Variants in CAT observed in about 807,000 individuals in gnomAD.
CAT encodes epididymis secretory sperm binding protein.
In CAT, 43 loss-of-function variants were observed where a neutral mutation model predicts 59.0. The ratio of observed to expected loss-of-function variants is 0.73; its 90% confidence interval spans 0.57 to 0.94. The LOEUF (loss-of-function observed/expected upper bound fraction) is 0.94. CAT is among the 40% of genes least tolerant of loss of function. CAT has a pLI of 0.00. For missense variants in CAT, 664 were observed against 682.9 expected, an observed-to-expected ratio of 0.97 and a Z score of 0.31; for synonymous variants, 218 against 230.9, an observed-to-expected ratio of 0.94 and a Z score of 0.51.
intron 1 of CAT, among the ~76,000 whole-genome samples, chr11:34,446,137 C>T (rs569040917): frequency 2.8e-4 from 43 of 152,208 alleles, no homozygotes; most frequent in African/African-American, 9.4e-4. Context: ...TCCAATGTTG[C>T]GCTAAACATC....
chr11:34,441,762 C>T (rs551784495), intron 1 of CAT, among the ~76,000 whole-genome samples: 2 of 152,210 alleles, frequency 1.3e-5, no homozygotes, highest in East Asian at 3.9e-4. Flanking sequence ...TGACTGCACT[C>T]TAGCCTGGGT....
At position 34,454,030 on chromosome 11, in the gene CAT, C is replaced by T. The variant is rs909791407; in HGVS notation, c.711+104C>T. 2.5e-5 allele frequency: 31 copies of T among 1,222,552 alleles called. No homozygotes were observed. The African/African-American group carries it at 4.3e-4, about 17-fold the overall frequency. The allele number at this position is 1,222,552 out of a possible 1,614,324, so 75.7% of individuals were successfully genotyped here. On this transcript the variant is annotated intron_variant, in intron 6 of 12. Coordinates refer to ENST00000241052, the MANE Select transcript of CAT (RefSeq NM_001752.4). ...ATTAAGGCTTCTCCCACTTTTCCCT[C>T]ACCTCCATCCCCAAAGTTGGGAAGT...
chr11:34,457,624 C>T (rs1564964221), intron 8 of CAT, among the ~76,000 whole-genome samples: 1 of 152,164 alleles, frequency 6.6e-6, no homozygotes, highest in South Asian at 2.1e-4. Context: ...AACCATTCAC[C>T]TTGCTAATGT....
chr11:34,465,890 A>C (rs1453095728), intron 10 of CAT, among the ~76,000 whole-genome samples: 1 of 152,224 alleles, frequency 6.6e-6, no homozygotes, highest in Non-Finnish European at 1.5e-5. Context: ...GATTTAAGGG[A>C]CCAAGATCAA....
At chr11:34,462,819 A>G (rs1256464523) in intron 9 of CAT, among the ~76,000 whole-genome samples, 1 of 152,208 alleles carries the variant, frequency 6.6e-6, no homozygotes, top group Non-Finnish European at 1.5e-5. Context: ...CACTTTGAGT[A>G]AAGGTCAGGG....
At chr11:34,452,911 A>G (rs1268338116) in intron 4 of CAT, among the ~76,000 whole-genome samples, 179 bp from the exon 5 acceptor site, 1 of 152,074 alleles carries the variant, frequency 6.6e-6, no homozygotes, top group Non-Finnish European at 1.5e-5. Context: ...ACTTTAGGGT[A>G]TCTTAGATGC....
intron 9 of CAT, among the ~76,000 whole-genome samples, chr11:34,462,523 A>G (rs1229841549): frequency 6.6e-6 from 1 of 152,276 alleles, no homozygotes; most frequent in South Asian, 2.1e-4. Context: ...CTCTGGGTTC[A>G]AGAGATTCTC....
intron 8 of CAT, among the ~76,000 whole-genome samples, chr11:34,460,007 G>A (rs1856630831): frequency 6.6e-6 from 1 of 152,220 alleles, no homozygotes; most frequent in Admixed American, 6.5e-5. Context: ...ACTGGATTAA[G>A]TCTGTTGGTA....
intron 8 of CAT, chr11:34,457,042 A>G (rs1856598857): frequency 3.1e-6 from 1 of 318,976 alleles, no homozygotes. Flanking sequence ...TAAGATCCCT[A>G]CATATGTGAA....
chr11:34,454,012 CT>C, intron 6 of CAT, 86 bp downstream of exon 6: 1 of 1,419,760 alleles, frequency 7.0e-7, no homozygotes. Context: ...AAGATTAAGG[CT>C]TCTCCCACTT....
rs1212185145 is a variant in CAT, at chr11:34,471,979, A to G, written c.*546A>G. 1.2e-5 allele frequency: 2 copies of G among 164,008 alleles called. No homozygotes were observed. The highest frequency in any genetic ancestry group is 2.7e-5 in the Non-Finnish European group (2 of 74,320). 10.2% of individuals were successfully genotyped at this position (164,008 alleles called of 1,614,324 possible). A position where few individuals can be genotyped will look rare whatever the true frequency, so the allele number is the denominator to read the frequency against. The stretch of plus-strand genomic sequence containing the variant: ...CATTTTTTTCACTGGAGTTACATTA[A>G]TGTTAATTCAGCACTGATTTCACAA... On this transcript the variant is annotated 3_prime_UTR_variant, in exon 13 of 13. Transcript: ENST00000241052.
chr11:34,447,092 A>T (rs560807), intron 1 of CAT, among the ~76,000 whole-genome samples: 108,123 of 152,106 alleles, frequency 0.71, 40,474 homozygotes, highest in East Asian at 0.96. Flanking sequence ...CTTGTTTGTA[A>T]GTTGAAAAGA....
rs900430847 is a variant in CAT at position 34,442,820 on chromosome 11, G to A, written c.66+3741G>A. Among the ~76,000 whole-genome samples, 7 of 151,982 alleles carry A rather than the reference G, an allele frequency of 4.6e-5. No individual in the cohort carries two copies. In the East Asian group the frequency reaches 1.2e-3, roughly 25 times the overall value. On this transcript the variant is annotated intron_variant, in intron 1 of 12. Coordinates refer to ENST00000241052, the MANE Select transcript of CAT (RefSeq NM_001752.4). ...GGTATATGAGTGTGGGAAGGTTTAG[G>A]GTCCAGGGTCACTGCCACTTACATT...
At chr11:34,461,022 T>G in intron 8 of CAT, 7 of 599,070 alleles carry the variant, frequency 1.2e-5, no homozygotes, top group Non-Finnish European at 1.8e-5. Flanking sequence ...AAAACAGATG[T>G]GAAGATTTAT....
At chr11:34,450,773 A>G (rs112249833) in intron 2 of CAT, among the ~76,000 whole-genome samples, 1 of 152,142 alleles carries the variant, frequency 6.6e-6, no homozygotes, top group African/African-American at 2.4e-5. Context: ...GGCTCCAGCT[A>G]TGTGGCATTC....
intron 8 of CAT, chr11:34,460,768 T>G: frequency 4.1e-6 from 1 of 243,272 alleles, no homozygotes; most frequent in South Asian, 5.4e-5. Context: ...AAGTGCTTAT[T>G]TGAAGAATTT....
chr11:34,454,049 G>A, intron 6 of CAT, 123 bp downstream of exon 6: 2 of 1,030,166 alleles, frequency 1.9e-6, no homozygotes, highest in Non-Finnish European at 2.9e-6. Context: ...CCCCAAAGTT[G>A]GGAAGTATTG....
intron 8 of CAT, among the ~76,000 whole-genome samples, chr11:34,459,534 C>T (rs745363166): frequency 1.3e-5 from 2 of 152,202 alleles, no homozygotes; most frequent in African/African-American, 2.4e-5. Context: ...CTCTCATTCT[C>T]TGCATTTTGC....
At chr11:34,461,444 A>C in intron 9 of CAT, 55 bp downstream of exon 9, 2 of 1,605,974 alleles carry the variant, frequency 1.2e-6, no homozygotes, top group Non-Finnish European at 1.7e-6. Context: ...CGTGGAGCAG[A>C]TGGGCGGGAG....
Sources: gnomAD v4.1 joint callset for allele counts (sites outside exome capture counted in the v4.1 genomes callset) on GRCh38, gnomAD v4.1.1 for gene constraint, MANE v1.5 for transcripts, NCBI Gene and HGNC (gene_info 2026-07-23, HGNC 2026-07-21) for gene names.